Variants in CCDC146 observed in about 807,000 individuals in gnomAD.
CCDC146 encodes the protein coiled-coil domain containing 146.
In CCDC146, 92 loss-of-function variants were observed where a neutral mutation model predicts 119.3. The ratio of observed to expected loss-of-function variants is 0.77; its 90% CI spans 0.65 to 0.92. The LOEUF is 0.92. CCDC146 is among the 40% of genes least tolerant of loss of function. The pLI is 0.00. For synonymous variants in CCDC146, 372 were observed against 371.8 expected, an observed-to-expected ratio of 1.00 and a Z score of -0.01; for missense variants, 1,000 against 1,103.0, an observed-to-expected ratio of 0.91 and a Z score of 1.32.
At chr7:77,265,655 A>G (rs770403719) in intron 9 of CCDC146, among the ~76,000 whole-genome samples, 1 of 152,244 alleles carries the variant, frequency 6.6e-6, no homozygotes, top group African/African-American at 2.4e-5. Flanking sequence ...ATGTAATCCT[A>G]CTACTTCCAC....
chr7:77,286,146 T>A lies in CCDC146; in HGVS notation c.2149-652T>A, dbSNP rs185547839. On this transcript the variant is annotated intron_variant, in intron 15 of 18. Coordinates refer to ENST00000285871, the MANE Select transcript of CCDC146 (RefSeq NM_020879.3). The stretch of plus-strand genomic sequence containing the variant: ...GCTGTGTAGGAAGCATGTGCCAGCA[T>A]CTGCATCTGGTGAGGGCCTCAGGAG... 9.8e-5 allele frequency among the ~76,000 whole-genome samples: 15 copies of A among 152,306 alleles called. 1 individual carries two copies. The East Asian group carries it at 2.7e-3, about 27-fold the overall frequency.
At chr7:77,180,296 C>A (rs879877265) in intron 2 of CCDC146, among the ~76,000 whole-genome samples, 7 of 151,748 alleles carry the variant, frequency 4.6e-5, no homozygotes, top group Admixed American at 1.3e-4. Context: ...ACACACACAC[C>A]CCATATTTTG....
At chr7:77,269,810 TGA>T (rs1375824367) in intron 9 of CCDC146, among the ~76,000 whole-genome samples, 1 of 152,204 alleles carries the variant, frequency 6.6e-6, no homozygotes, top group East Asian at 1.9e-4. Context: ...ACAGTTTCAG[TGA>T]GAGACTAACT....
chr7:77,241,097 G>T (rs373410821), intron 3 of CCDC146, among the ~76,000 whole-genome samples: 1 of 147,760 alleles, frequency 6.8e-6, no homozygotes, highest in African/African-American at 2.5e-5. Context: ...TCACTCTGTC[G>T]CCCAGGCGGG....
chr7:77,156,717 C>T (rs1791183519), intron 1 of CCDC146, among the ~76,000 whole-genome samples: 2 of 152,080 alleles, frequency 1.3e-5, no homozygotes, highest in Admixed American at 6.6e-5. Flanking sequence ...TTATCTGTGG[C>T]TTTTAGGACT....
At chr7:77,281,468 T>C (rs917240126) in intron 14 of CCDC146, among the ~76,000 whole-genome samples, 3 of 152,186 alleles carry the variant, frequency 2.0e-5, no homozygotes, top group Admixed American at 6.5e-5. Context: ...CTCTGAGAAA[T>C]TGGAATGTGA....
At chr7:77,129,305 A>G (rs1790750116) in intron 1 of CCDC146, among the ~76,000 whole-genome samples, 1 of 152,028 alleles carries the variant, frequency 6.6e-6, no homozygotes, top group African/African-American at 2.4e-5. Context: ...GTGATATCTC[A>G]GTGCTCGTAT....
rs577760370 is a variant in CCDC146 at position 77,240,655 on chromosome 7, A to G, written c.240-1036A>G. On this transcript the variant is annotated intron_variant, in intron 3 of 18. Coordinates refer to ENST00000285871, the MANE Select transcript of CCDC146 (RefSeq NM_020879.3). ...CAGTAAATAAACAATTTTTAAGTAA[A>G]CATTTTATTTTGGAATAATTTTAGA... 3.9e-5 allele frequency among the ~76,000 whole-genome samples: 6 copies of G among 152,352 alleles called. No individual in the cohort carries two copies. The East Asian group carries it at 1.2e-3, about 29-fold the overall frequency.
At chr7:77,158,261 A>G (rs1791205674) in intron 1 of CCDC146, among the ~76,000 whole-genome samples, 1 of 152,180 alleles carries the variant, frequency 6.6e-6, no homozygotes, top group South Asian at 2.1e-4. Flanking sequence ...AACTCAATAA[A>G]TATTTATTTA....
intron 4 of CCDC146, among the ~76,000 whole-genome samples, chr7:77,254,033 A>G: frequency 6.6e-6 from 1 of 152,214 alleles, no homozygotes; most frequent in Non-Finnish European, 1.5e-5. Flanking sequence ...ATGGGAATTT[A>G]TCAAGCAGGG....
At chr7:77,185,433 C>G (rs1005685086) in intron 2 of CCDC146, among the ~76,000 whole-genome samples, 1 of 152,136 alleles carries the variant, frequency 6.6e-6, no homozygotes, top group Non-Finnish European at 1.5e-5. Flanking sequence ...GGCTGTGACC[C>G]CACCCAAATC....
At chr7:77,294,272 GA>G (rs1194280053) in intron 18 of CCDC146, among the ~76,000 whole-genome samples, 2 of 152,180 alleles carry the variant, frequency 1.3e-5, no homozygotes, top group African/African-American at 4.8e-5. Flanking sequence ...TATTGAGGTG[GA>G]AACATAGTTA....
intron 1 of CCDC146, among the ~76,000 whole-genome samples, chr7:77,164,330 C>T (rs1268294205): frequency 6.6e-6 from 1 of 151,928 alleles, no homozygotes; most frequent in Non-Finnish European, 1.5e-5. Flanking sequence ...CCATTTTTAG[C>T]TGCTTGAAGA....
At chr7:77,146,360 CTT>C (rs1489127176) in intron 1 of CCDC146, among the ~76,000 whole-genome samples, 1 of 151,750 alleles carries the variant, frequency 6.6e-6, no homozygotes, top group East Asian at 1.9e-4. Flanking sequence ...AGTCTTGACT[CTT>C]TATCCAATTT....
At position 77,295,029 on chromosome 7, in the gene CCDC146, C is replaced by G; in HGVS notation, c.*163C>G. On this transcript the variant is annotated 3_prime_UTR_variant, in exon 19 of 19. Coordinates refer to ENST00000285871, the MANE Select transcript of CCDC146 (RefSeq NM_020879.3). ...AACAGGGTTTCTATTTACCCACCAACTACTATACCTTTCATGACGTTGAAT... is the reference window on the plus strand; with the variant it reads ...AACAGGGTTTCTATTTACCCACCAAGTACTATACCTTTCATGACGTTGAAT... 1 of 609,050 alleles carries G rather than the reference C, an allele frequency of 1.6e-6. No individual in the cohort carries two copies. Among genetic ancestry groups the G allele is most frequent in the Non-Finnish European group, 2.9e-6 (1 of 346,452 alleles). 37.7% of individuals were successfully genotyped at this position (609,050 alleles called of 1,614,324 possible).
rs750363753 is a variant in CCDC146 at position 77,293,150 on chromosome 7, G to C, written c.2614G>C (p.Val872Leu). Residue 872 changes from valine to leucine, a missense_variant, in exon 18 of 19, where the codon GTC (valine) becomes CTC (leucine). Val to Leu is a conservative substitution (Grantham distance 32). Coordinates refer to ENST00000285871, the MANE Select transcript of CCDC146 (RefSeq NM_020879.3). ...GGAAATTGAGAAAGAATGGTTGAAA[G>C]TCCTTCGAGATGAAGAAATGCACGC... is the stretch of plus-strand genomic sequence containing the variant. ...NKEIEKEWLK[V>L]LRDEEMHALA... 5 of 1,614,044 alleles carry C rather than the reference G, an allele frequency of 3.1e-6. No homozygotes were observed. The South Asian group carries it at 4.4e-5, about 14-fold the overall frequency.
chr7:77,238,816 C>T (rs1011219895), intron 3 of CCDC146, among the ~76,000 whole-genome samples: 3 of 152,196 alleles, frequency 2.0e-5, no homozygotes, highest in African/African-American at 7.2e-5. Flanking sequence ...CCCCTAATGA[C>T]AAGTAGCAAT....
chr7:77,284,438 G>A (rs559926613), intron 15 of CCDC146, among the ~76,000 whole-genome samples: 3 of 151,784 alleles, frequency 2.0e-5, no homozygotes, highest in African/African-American at 7.3e-5. Flanking sequence ...AGAAGAATTT[G>A]TCTCTCTCCA....
chr7:77,162,509 T>G (rs1791277594), intron 1 of CCDC146, among the ~76,000 whole-genome samples: 2 of 152,350 alleles, frequency 1.3e-5, no homozygotes, highest in South Asian at 4.1e-4. Flanking sequence ...TTTTATTTAA[T>G]GCCAGCACCA....
Sources: allele counts gnomAD v4.1 joint callset (sites outside exome capture counted in the v4.1 genomes callset), GRCh38; gene constraint gnomAD v4.1.1; transcripts MANE v1.5; gene names NCBI Gene and HGNC (gene_info 2026-07-23, HGNC 2026-07-21).